The following RLF variants were observed in gnomAD, a reference collection of about 807,000 sequenced individuals.
The protein encoded by RLF is zinc finger protein Rlf.
Under a neutral mutation model 162.9 loss-of-function variants are expected in RLF, and 7 were observed. That is an observed-to-expected ratio of 0.04 (90% CI 0.02 to 0.08). The LOEUF (loss-of-function observed/expected upper bound fraction) is 0.08. RLF is among the 10% of genes least tolerant of loss of function. RLF has a pLI of 1.00. For missense variants in RLF, 1,664 were observed against 2,244.7 expected (o/e 0.74, Z 5.23); for synonymous variants, 782 against 791.5 (o/e 0.99, Z 0.20).
At chr1:40,176,248 T>C (rs1259028292) in intron 1 of RLF, among the ~76,000 whole-genome samples, 2 of 152,222 alleles carry the variant, frequency 1.3e-5, no homozygotes, top group Non-Finnish European at 2.9e-5. Context: ...TTCTTTTCTT[T>C]TGGGTAAACA....
intron 6 of RLF, among the ~76,000 whole-genome samples, chr1:40,227,091 C>T (rs1643088235): frequency 6.6e-6 from 1 of 152,188 alleles, no homozygotes; most frequent in Non-Finnish European, 1.5e-5. Flanking sequence ...TCTCGAGCTC[C>T]TGACCTCAGG....
At chr1:40,224,622 G>GTTTTTT (rs1557757506) in intron 6 of RLF, among the ~76,000 whole-genome samples, 1 of 13,518 alleles carries the variant, frequency 7.4e-5, no homozygotes, top group African/African-American at 2.6e-4. Flanking sequence ...GTTTTTGAAA[G>GTTTTTT]CTTTTTTTTT....
chr1:40,182,221 C>CA (rs1406227303), intron 1 of RLF, among the ~76,000 whole-genome samples: 1 of 152,138 alleles, frequency 6.6e-6, no homozygotes, highest in Non-Finnish European at 1.5e-5. Context: ...ATCACGAGGT[C>CA]AAGAGATCGA....
At chr1:40,195,497 A>G (rs1209167350) in intron 3 of RLF, 135 bp from the exon 4 acceptor site, 3 of 636,280 alleles carry the variant, frequency 4.7e-6, no homozygotes, top group South Asian at 2.4e-5. Context: ...CTTTGAGTAT[A>G]GTCTTTTTTG....
chr1:40,205,651 G>C (rs374815310), intron 5 of RLF, among the ~76,000 whole-genome samples: 1 of 151,756 alleles, frequency 6.6e-6, no homozygotes, highest in African/African-American at 2.4e-5. Context: ...CACCATGCCC[G>C]GCTAATTTTT....
At position 40,164,158 on chromosome 1, in the gene RLF, A is replaced by G. The variant is rs377483867; in HGVS notation, c.237+2522A>G. Reference sequence around the variant, plus strand: ...AAAGATAGATTGTAGGCATTTTTACATTATAAAGGTCTGACCCCTGCTTAT... The same window carrying G: ...AAAGATAGATTGTAGGCATTTTTACGTTATAAAGGTCTGACCCCTGCTTAT... On this transcript the variant is annotated intron_variant, in intron 1 of 7. Coordinates refer to ENST00000372771, the MANE Select transcript of RLF (RefSeq NM_012421.4). Among the ~76,000 whole-genome samples the G allele has an allele frequency of 1.3e-4, 20 of 152,346 alleles. 1 individual carries two copies. The highest frequency in any genetic ancestry group is 3.4e-3 in the Middle Eastern group (1 of 294).
At position 40,240,575 on chromosome 1, in the gene RLF, A is replaced by G; in HGVS notation, c.*128A>G. ...TAGAATAGGCTGTGTATTTACATGAATGTATAATATCTATGTCAGCAGTAT... is the reference window on the plus strand; with the variant it reads ...TAGAATAGGCTGTGTATTTACATGAGTGTATAATATCTATGTCAGCAGTAT... On this transcript the variant is annotated 3_prime_UTR_variant, in exon 8 of 8. Transcript: ENST00000372771. 3.0e-6 allele frequency: 2 copies of G among 658,292 alleles called. No individual in the cohort carries two copies. Among genetic ancestry groups the G allele is most frequent in the Non-Finnish European group, 5.3e-6 (2 of 375,584 alleles). 40.8% of individuals were successfully genotyped at this position (658,292 alleles called of 1,614,324 possible).
intron 4 of RLF, among the ~76,000 whole-genome samples, chr1:40,196,107 G>A (rs1014869156): frequency 3.3e-5 from 5 of 149,584 alleles, no homozygotes; most frequent in African/African-American, 4.9e-5. Context: ...ACGTTGTCTC[G>A]CTCTGTCACC....
At position 40,169,638 on chromosome 1, in the gene RLF, A is replaced by T. The variant is rs185687609; in HGVS notation, c.237+8002A>T. On this transcript the variant is annotated intron_variant, in intron 1 of 7. Coordinates refer to ENST00000372771, the MANE Select transcript of RLF (RefSeq NM_012421.4). ...ACTCCGTCTCAAAAAAAAAAAAAAA[A>T]AAAAAAATAAGTGCTTCTTGAAATA... 4.5e-3 allele frequency among the ~76,000 whole-genome samples: 676 copies of T among 151,318 alleles called. 8 individuals carry two copies. Among genetic ancestry groups the T allele is most frequent in the African/African-American group, 0.015 (628 of 41,320 alleles).
At chr1:40,207,446 A>G (rs868727334) in intron 5 of RLF, among the ~76,000 whole-genome samples, 1 of 152,198 alleles carries the variant, frequency 6.6e-6, no homozygotes, top group Admixed American at 6.5e-5. Flanking sequence ...ATTTATAAAA[A>G]TAAGAACCAA....
chr1:40,213,147 G>T (rs1027568684), intron 5 of RLF, among the ~76,000 whole-genome samples: 1 of 152,298 alleles, frequency 6.6e-6, no homozygotes, highest in East Asian at 1.9e-4. Context: ...TCTGTGTAAA[G>T]AAATTGAGGA....
At chr1:40,174,031 T>C (rs1642281626) in intron 1 of RLF, among the ~76,000 whole-genome samples, 1 of 152,208 alleles carries the variant, frequency 6.6e-6, no homozygotes, top group South Asian at 2.1e-4. Flanking sequence ...AAGTCATAGC[T>C]GAGTAACTGG....
At chr1:40,177,456 AT>A (rs1035060752) in intron 1 of RLF, among the ~76,000 whole-genome samples, 13 of 148,032 alleles carry the variant, frequency 8.8e-5, no homozygotes, top group South Asian at 2.2e-4. Flanking sequence ...CGCCTGGCTA[AT>A]TTTTTTTTTG....
rs1643252244 is a variant in RLF, at chr1:40,238,883, A to T, written c.4181A>T (p.Glu1394Val). The T allele has an allele frequency of 6.2e-7, 1 of 1,614,122 alleles. No homozygotes were observed. Among genetic ancestry groups the T allele is most frequent in the Non-Finnish European group, 8.5e-7 (1 of 1,180,036 alleles). The change falls in exon 8 of 8, where the codon GAG becomes GTG. Residue 1394 changes from glutamate (E) to valine (V), a missense_variant. Glu to Val is a moderately radical substitution (Grantham distance 121). Coordinates refer to ENST00000372771, the MANE Select transcript of RLF (RefSeq NM_012421.4). The surrounding 1 kb of genome is among the most constrained non-coding windows in gnomAD (Gnocchi z 5.2). ...TCTCATAACCTAGACCATATTGAAG[A>T]GCCTAAAGTACTTTCCGAAGCTGGA... ...SDSHNLDHIEEPKVLSEAGSA... is the reference protein window; with the variant it reads ...SDSHNLDHIEVPKVLSEAGSA...
intron 3 of RLF, among the ~76,000 whole-genome samples, chr1:40,193,324 A>G (rs1043273708): frequency 1.1e-4 from 16 of 152,206 alleles, no homozygotes; most frequent in African/African-American, 3.1e-4. Flanking sequence ...TTAGATGTCT[A>G]TTGGTAACAA....
In RLF at chr1:40,231,667, T is replaced by C; in HGVS notation, c.1089+9T>C. 6.2e-7 allele frequency: 1 copy of C among 1,602,912 alleles called. No homozygotes were observed. The highest frequency in any genetic ancestry group is 2.2e-5 in the East Asian group (1 of 44,746). On this transcript the variant is annotated intron_variant, in intron 7 of 7. Transcript: ENST00000372771. ...GAGTTATACAAACTGAAGTGAGTAC[T>C]TTATGCCTTCTCTGCTAACTGTAGC...
chr1:40,185,846 A>C (rs1262094068), intron 1 of RLF, among the ~76,000 whole-genome samples: 2 of 32,454 alleles, frequency 6.2e-5, no homozygotes, highest in Non-Finnish European at 1.7e-4. Flanking sequence ...AAAAAAGCAA[A>C]AAAAAAAAAA....
intron 1 of RLF, among the ~76,000 whole-genome samples, chr1:40,182,137 A>T (rs993447257): frequency 6.7e-6 from 1 of 149,312 alleles, no homozygotes; most frequent in Admixed American, 6.6e-5. Context: ...TTAGGCATTT[A>T]AAAAAACCCT....
Position 40,240,154 on chromosome 1 carries a change from G to A in RLF, c.5452G>A (p.Val1818Met). The change falls in exon 8 of 8, where the codon GTG becomes ATG. Residue 1818 changes from valine (V) to methionine (M), a missense_variant. Around this residue, in one of 15 missense-constraint regions of RLF, gnomAD observed 327 missense variants for 342.7 expected, o/e 0.95. Transcript: ENST00000372771. ...AGGGAATGTTGTGGCAAATAATATG[G>A]TGAATGACAGTGAACCTGAAGTTGA... is the stretch of plus-strand genomic sequence containing the variant. ...LTGNVVANNMVNDSEPEVDIP... is the reference protein window; with the variant it reads ...LTGNVVANNMMNDSEPEVDIP... 6.2e-7 allele frequency: 1 copy of A among 1,614,158 alleles called. No homozygotes were observed. The highest frequency in any genetic ancestry group is 1.6e-4 in the Middle Eastern group (1 of 6,062).
Sources: gnomAD v4.1 joint callset for allele counts (sites outside exome capture counted in the v4.1 genomes callset) on GRCh38, gnomAD v4.1.1 for gene constraint, gnomAD v4.1.1 regional missense constraint, Gnocchi (gnomAD v3.1) non-coding constraint, MANE v1.5 for transcripts, NCBI Gene and HGNC (gene_info 2026-07-23, HGNC 2026-07-21) for gene names.